AUH: variants seen among roughly 807,000 people sequenced by gnomAD.
The protein encoded by AUH is AU RNA binding methylglutaconyl-CoA hydratase.
In AUH, 29 loss-of-function variants were observed where a neutral mutation model predicts 42.3. The ratio of observed to expected loss-of-function variants is 0.69; its 90% CI spans 0.51 to 0.93. The LOEUF (loss-of-function observed/expected upper bound fraction) is 0.93. Ranked by LOEUF, AUH falls within the 40% of genes least tolerant of loss-of-function variation. AUH has a pLI of 0.00. For synonymous variants in AUH, 174 were observed against 166.4 expected (o/e 1.05, Z -0.35); for missense variants, 452 against 438.1 (o/e 1.03, Z -0.28).
At chr9:91,251,059 C>T (rs1439879674) in intron 6 of AUH, among the ~76,000 whole-genome samples, 3 of 152,186 alleles carry the variant, frequency 2.0e-5, no homozygotes, top group Admixed American at 2.0e-4. Context: ...GGGCACCAGC[C>T]TAGGGTCCAG....
In AUH at chr9:91,332,163, C is replaced by T. The variant is rs546313486; in HGVS notation, c.419-6759G>A. On this transcript the variant is annotated intron_variant, in intron 3 of 9. Coordinates refer to ENST00000375731, the MANE Select transcript of AUH (RefSeq NM_001698.3). ...TTCAATGAATCCAGTGGAACCTACA[C>T]TATCAGTGATTTGGTTCTCAAAATC... 8.5e-5 allele frequency among the ~76,000 whole-genome samples: 13 copies of T among 152,334 alleles called. No homozygotes were observed. The South Asian group carries it at 1.0e-3, about 12-fold the overall frequency.
intron 6 of AUH, among the ~76,000 whole-genome samples, chr9:91,285,307 T>G (rs541846384): frequency 6.7e-6 from 1 of 149,028 alleles, no homozygotes; most frequent in East Asian, 2.0e-4. Context: ...CTGGGGCCTG[T>G]CATGGGGTGG....
intron 3 of AUH, among the ~76,000 whole-genome samples, chr9:91,351,106 A>C (rs1399079571): frequency 2.0e-5 from 3 of 152,208 alleles, no homozygotes; most frequent in East Asian, 3.9e-4. Flanking sequence ...AGTAGCTAGG[A>C]CTACAGGCAC....
chr9:91,326,986 G>A (rs1830005239), intron 3 of AUH, among the ~76,000 whole-genome samples: 1 of 151,934 alleles, frequency 6.6e-6, no homozygotes, highest in Admixed American at 6.6e-5. Flanking sequence ...ATCTCAAGTG[G>A]GCCATTCTGC....
At chr9:91,339,986 G>C (rs1564117469) in intron 3 of AUH, among the ~76,000 whole-genome samples, 1 of 152,194 alleles carries the variant, frequency 6.6e-6, no homozygotes, top group Admixed American at 6.5e-5. Flanking sequence ...TAACCTCTCA[G>C]AGGAAGAGCT....
chr9:91,260,218 G>C (rs1180168715), intron 6 of AUH, among the ~76,000 whole-genome samples: 1 of 152,024 alleles, frequency 6.6e-6, no homozygotes, highest in Non-Finnish European at 1.5e-5. Flanking sequence ...AACCTATACT[G>C]TATGTTTATG....
At chr9:91,266,617 A>G (rs10991857) in intron 6 of AUH, among the ~76,000 whole-genome samples, 11,351 of 152,244 alleles carry the variant, frequency 0.075, 690 homozygotes, top group East Asian at 0.26. Context: ...AATGAGTGTC[A>G]TATAATTTGA....
intron 3 of AUH, among the ~76,000 whole-genome samples, chr9:91,355,110 G>T (rs572877133): frequency 6.6e-6 from 1 of 152,000 alleles, no homozygotes; most frequent in Non-Finnish European, 1.5e-5. Context: ...AATTCTTTTC[G>T]GTATCCTACA....
intron 6 of AUH, among the ~76,000 whole-genome samples, chr9:91,281,450 T>C (rs1286276412): frequency 1.3e-5 from 2 of 152,188 alleles, no homozygotes; most frequent in African/African-American, 4.8e-5. Flanking sequence ...AACAGGCCTC[T>C]GGAAGGCAGG....
intron 6 of AUH, among the ~76,000 whole-genome samples, chr9:91,265,374 TA>T (rs1185636608): frequency 2.0e-5 from 3 of 151,830 alleles, no homozygotes; most frequent in African/African-American, 4.8e-5. Flanking sequence ...AGCAATCCTT[TA>T]AAAAAAACCT....
intron 6 of AUH, among the ~76,000 whole-genome samples, chr9:91,285,804 T>A (rs771307699): frequency 1.3e-5 from 2 of 152,168 alleles, no homozygotes; most frequent in Admixed American, 1.3e-4. Context: ...TCATAGTGTG[T>A]GCTCGTGTAT....
intron 4 of AUH, among the ~76,000 whole-genome samples, chr9:91,311,684 A>G (rs1007622768): frequency 3.9e-5 from 6 of 152,030 alleles, no homozygotes; most frequent in African/African-American, 1.5e-4. Context: ...TAACATGTCC[A>G]CTCCCCATAT....
At chr9:91,357,693 G>C (rs1036993149) in intron 1 of AUH, among the ~76,000 whole-genome samples, 2 of 152,152 alleles carry the variant, frequency 1.3e-5, no homozygotes, top group African/African-American at 4.8e-5. Context: ...AGACAGTGAA[G>C]GTTAGAAGGA....
At chr9:91,268,579 C>T (rs1479341076) in intron 6 of AUH, among the ~76,000 whole-genome samples, 1 of 152,040 alleles carries the variant, frequency 6.6e-6, no homozygotes, top group Non-Finnish European at 1.5e-5. Context: ...TACAGGCGCA[C>T]GCTGCCACAT....
At chr9:91,316,048 T>C (rs1319048665) in intron 4 of AUH, among the ~76,000 whole-genome samples, 7 of 152,256 alleles carry the variant, frequency 4.6e-5, no homozygotes, top group African/African-American at 9.6e-5. Flanking sequence ...TACTATCCAA[T>C]TGTATAAATA....
At chr9:91,358,872 A>T (rs1832637211) in intron 1 of AUH, among the ~76,000 whole-genome samples, 1 of 152,230 alleles carries the variant, frequency 6.6e-6, no homozygotes, top group Non-Finnish European at 1.5e-5. Context: ...ATGTATCTGT[A>T]GGCTTTTGGT....
At chr9:91,215,350 T>G (rs1250126587) in intron 9 of AUH, among the ~76,000 whole-genome samples, 1 of 152,204 alleles carries the variant, frequency 6.6e-6, no homozygotes, top group African/African-American at 2.4e-5. Context: ...CCCTTATATA[T>G]TAATAAAATT....
chr9:91,231,930 G>A (rs1206223395), intron 6 of AUH, among the ~76,000 whole-genome samples: 4 of 152,186 alleles, frequency 2.6e-5, no homozygotes, highest in Non-Finnish European at 2.9e-5. Context: ...AGCTCACAAG[G>A]CTTCCACTAA....
At chr9:91,301,268 T>G (rs915643130) in intron 4 of AUH, among the ~76,000 whole-genome samples, 1 of 152,216 alleles carries the variant, frequency 6.6e-6, no homozygotes, top group Admixed American at 6.5e-5. Context: ...CGTGATATTA[T>G]GAAATACATA....
Sources: gnomAD v4.1 joint callset for allele counts (sites outside exome capture counted in the v4.1 genomes callset) on GRCh38, gnomAD v4.1.1 for gene constraint, MANE v1.5 for transcripts, NCBI Gene and HGNC (gene_info 2026-07-23, HGNC 2026-07-21) for gene names.